ARHGEF18: variants seen among roughly 807,000 people sequenced by gnomAD.
The protein encoded by ARHGEF18 is rho guanine nucleotide exchange factor 18.
ARHGEF18 carries 93 observed loss-of-function variants against 155.7 expected under a neutral mutation model. The observed-to-expected ratio is 0.60, with a 90% CI of 0.50 to 0.71. The LOEUF (loss-of-function observed/expected upper bound fraction) is 0.71, where lower values mean the gene tolerates loss of function less well. Among genes scored for constraint, ARHGEF18 ranks in the 30% least tolerant of loss-of-function variants. ARHGEF18 has a pLI of 0.00. For missense variants in ARHGEF18, 1,593 were observed against 1,816.1 expected, an observed-to-expected ratio of 0.88 and a Z score of 2.23; for synonymous variants, 742 against 753.1, an observed-to-expected ratio of 0.99 and a Z score of 0.24.
chr19:7,477,388 C>A, downstream of ARHGEF18: 1 of 1,545,054 alleles, frequency 6.5e-7, no homozygotes, highest in African/African-American at 1.4e-5. Context: ...ACAGCGCCTC[C>A]GACTGCATCT....
At chr19:7,455,673 A>G (rs978896882) in intron 17 of ARHGEF18, among the ~76,000 whole-genome samples, 5 of 152,124 alleles carry the variant, frequency 3.3e-5, no homozygotes, top group African/African-American at 1.2e-4. Context: ...CATGCTGCTG[A>G]TAAAGACATA....
Position 7,470,098 on chromosome 19 carries a change from C to G in ARHGEF18, c.3914-28C>G, listed in dbSNP as rs1016644150. The G allele has an allele frequency of 1.9e-6, 3 of 1,611,814 alleles. No individual in the cohort carries two copies. The African/African-American group carries it at 4.0e-5, about 22-fold the overall frequency. ...GGGCTGCGGCACCACCCGGCGACTG[C>G]TCAGTCTGAACCCTCTCTCTGTTCC... On this transcript the variant is annotated intron_variant, in intron 28 of 28. Transcript: ENST00000668164. This position sits in a 1 kb window ranked among gnomAD's most constrained non-coding sequence, Gnocchi z 5.9.
rs978878041 is a variant in ARHGEF18 at position 7,470,627 on chromosome 19, C to T, written c.*329C>T. ...ATCCGGGTGGCGGGGAGATCAACTC[C>T]GAGCTGTTTTTCCGAGGCAGTGAGG... is the stretch of plus-strand genomic sequence containing the variant. On this transcript the variant is annotated 3_prime_UTR_variant, in exon 29 of 29. Coordinates refer to ENST00000668164, the MANE Select transcript of ARHGEF18 (RefSeq NM_001367823.1). The surrounding 1 kb of genome is among the most constrained non-coding windows in gnomAD (Gnocchi z 5.9). 4.3e-5 allele frequency: 17 copies of T among 397,398 alleles called. No homozygotes were observed. The highest frequency in any genetic ancestry group is 5.8e-5 in the Non-Finnish European group (13 of 225,746). 24.6% of individuals were successfully genotyped at this position (397,398 alleles called of 1,614,324 possible).
intron 14 of ARHGEF18, 134 bp from the exon 15 acceptor site, chr19:7,446,909 A>AC: frequency 8.9e-7 from 1 of 1,118,426 alleles, no homozygotes; most frequent in Non-Finnish European, 1.2e-6. Flanking sequence ...AAAAAAAAAA[A>AC]AAGAAGAAGA....
At chr19:7,455,533 G>A (rs1975774428) in intron 17 of ARHGEF18, among the ~76,000 whole-genome samples, 1 of 152,184 alleles carries the variant, frequency 6.6e-6, no homozygotes, top group African/African-American at 2.4e-5. Flanking sequence ...AGGGGCACGA[G>A]GGGACTGAGA....
chr19:7,442,321 C>T (rs1426453185), intron 13 of ARHGEF18, among the ~76,000 whole-genome samples: 1 of 152,018 alleles, frequency 6.6e-6, no homozygotes, highest in Non-Finnish European at 1.5e-5. Flanking sequence ...ACTGCAGCCT[C>T]GACCTGGGCT....
At chr19:7,466,836 A>AAAT in intron 23 of ARHGEF18, 82 bp from the exon 24 acceptor site, 1 of 1,094,030 alleles carries the variant, frequency 9.1e-7, no homozygotes, top group Non-Finnish European at 1.3e-6. Flanking sequence ...AGTTAAAAAA[A>AAAT]AAGAAGAAGA....
At chr19:7,355,257 T>C (rs2145313923) in intron 1 of ARHGEF18, among the ~76,000 whole-genome samples, 1 of 151,806 alleles carries the variant, frequency 6.6e-6, no homozygotes, top group East Asian at 1.9e-4. Flanking sequence ...AAATGCATCA[T>C]CAAACCCACC....
intron 1 of ARHGEF18, among the ~76,000 whole-genome samples, chr19:7,354,956 AC>A (rs1969247182): frequency 6.6e-6 from 1 of 152,140 alleles, no homozygotes; most frequent in Non-Finnish European, 1.5e-5. Flanking sequence ...ATATGTAGAA[AC>A]ACAGAAACCC....
chr19:7,419,035 T>A (rs1973174873), intron 10 of ARHGEF18, among the ~76,000 whole-genome samples: 1 of 141,036 alleles, frequency 7.1e-6, no homozygotes, highest in South Asian at 2.3e-4. Context: ...ACCCCAGATG[T>A]ACCCACACTC....
intron 10 of ARHGEF18, among the ~76,000 whole-genome samples, chr19:7,388,157 T>C (rs1024622121): frequency 2.0e-5 from 3 of 152,096 alleles, no homozygotes; most frequent in Admixed American, 6.6e-5. Context: ...AATGTCACTT[T>C]ATAATCACAG....
intron 1 of ARHGEF18, among the ~76,000 whole-genome samples, chr19:7,362,047 G>A (rs375684333): frequency 0.022 from 1,005 of 44,920 alleles, 86 homozygotes; most frequent in East Asian, 0.13. Context: ...GAAGGAGAAG[G>A]AGAAGGAGAA....
In ARHGEF18 at chr19:7,470,104, C is replaced by CT; in HGVS notation, c.3914-21dup. 2 of 1,612,296 alleles carry CT rather than the reference C, an allele frequency of 1.2e-6. No homozygotes were observed. The highest frequency in any genetic ancestry group is 1.7e-6 in the Non-Finnish European group (2 of 1,179,688). On this transcript the variant is annotated intron_variant, in intron 28 of 28. Coordinates refer to ENST00000668164, the MANE Select transcript of ARHGEF18 (RefSeq NM_001367823.1). This position sits in a 1 kb window ranked among gnomAD's most constrained non-coding sequence, Gnocchi z 5.9. Reference sequence around the variant, plus strand: ...CGGCACCACCCGGCGACTGCTCAGTCTGAACCCTCTCTCTGTTCCAGACCC... The same window carrying CT: ...CGGCACCACCCGGCGACTGCTCAGTCTTGAACCCTCTCTCTGTTCCAGACCC...
intron 19 of ARHGEF18, 45 bp downstream of exon 19, chr19:7,458,735 C>G (rs2145868993): frequency 6.4e-7 from 1 of 1,568,106 alleles, no homozygotes; most frequent in South Asian, 1.2e-5. Context: ...GTTCCTTCCG[C>G]TGATTGGTCC....
At chr19:7,474,811 CCCCAACCCCAGCCGTCCTCT>C (rs568138577), downstream of ARHGEF18, among the ~76,000 whole-genome samples, 6 of 143,998 alleles carry the variant, frequency 4.2e-5, 1 homozygote, top group South Asian at 1.3e-3. Flanking sequence ...ATTTGCTCCA[CCCCAACCCCAGCCGTCCTCT>C]GACCTCTGCC....
chr19:7,367,895 T>TA (rs1568270449), intron 2 of ARHGEF18, among the ~76,000 whole-genome samples: 2 of 30,984 alleles, frequency 6.5e-5, no homozygotes, highest in Admixed American at 3.5e-4. Flanking sequence ...TTATATATAT[T>TA]TTTTATATAT....
At chr19:7,438,748 T>C (rs1195472927) in intron 10 of ARHGEF18, among the ~76,000 whole-genome samples, 1 of 152,116 alleles carries the variant, frequency 6.6e-6, no homozygotes, top group African/African-American at 2.4e-5. Context: ...TGTCCTTACC[T>C]GGGCAAAGCT....
Position 7,470,656 on chromosome 19 carries a change from G to A in ARHGEF18, c.*358G>A, listed in dbSNP as rs762185080. Reference sequence around the variant, plus strand: ...CTGTTTTTCCGAGGCAGTGAGGAACGGTGCCGGCTCTGCACGGAGCTGAGG... The same window carrying A: ...CTGTTTTTCCGAGGCAGTGAGGAACAGTGCCGGCTCTGCACGGAGCTGAGG... On this transcript the variant is annotated 3_prime_UTR_variant, in exon 29 of 29. Coordinates refer to ENST00000668164, the MANE Select transcript of ARHGEF18 (RefSeq NM_001367823.1). The surrounding 1 kb of genome is among the most constrained non-coding windows in gnomAD (Gnocchi z 5.9). 2.4e-4 allele frequency: 97 copies of A among 398,364 alleles called. No individual in the cohort carries two copies. Among genetic ancestry groups the A allele is most frequent in the Admixed American group, 4.8e-4 (11 of 22,712 alleles). 24.7% of individuals were successfully genotyped at this position (398,364 alleles called of 1,614,324 possible). A position where few individuals can be genotyped will look rare whatever the true frequency, so the allele number is the denominator to read the frequency against.
chr19:7,400,540 A>C (rs1296128693), intron 10 of ARHGEF18, among the ~76,000 whole-genome samples: 1 of 152,112 alleles, frequency 6.6e-6, no homozygotes, highest in East Asian at 1.9e-4. Context: ...TCAAAAATGA[A>C]AACAAAAATT....
Sources: allele counts gnomAD v4.1 joint callset (sites outside exome capture counted in the v4.1 genomes callset), GRCh38; gene constraint gnomAD v4.1.1; non-coding constraint Gnocchi (gnomAD v3.1); transcripts MANE v1.5; gene names NCBI Gene and HGNC (gene_info 2026-07-23, HGNC 2026-07-21).